Variants in TAF7L observed in about 807,000 individuals in gnomAD.
The protein encoded by TAF7L is transcription initiation factor TFIID subunit 7-like.
TAF7L carries 6 observed loss-of-function variants against 30.2 expected under a neutral mutation model. That is an observed-to-expected ratio of 0.20 (90% CI 0.11 to 0.39). The LOEUF is 0.39. Among genes scored for constraint, TAF7L ranks in the 10% least tolerant of loss-of-function variants. The pLI, the probability that TAF7L is intolerant of heterozygous loss-of-function variation, is 1.00. For synonymous variants in TAF7L, 93 were observed against 94.5 expected (o/e 0.98, Z 0.09); for missense variants, 284 against 277.1 (o/e 1.03, Z -0.18).
At chrX:101,273,168 TACTA>T (rs766467342) in intron 12 of TAF7L, among the ~76,000 whole-genome samples, 11 of 111,980 alleles carry the variant, frequency 9.8e-5, no homozygotes, top group South Asian at 3.6e-4. Flanking sequence ...TCTCCATTGC[TACTA>T]ACTTAGTCCA....
At position 101,281,805 on chromosome X, in the gene TAF7L, A is replaced by G. The variant is rs374181515; in HGVS notation, c.407-30T>C. 7 of 1,154,072 alleles carry G rather than the reference A, an allele frequency of 6.1e-6. No homozygotes were observed. In the East Asian group the frequency reaches 1.2e-4, roughly 20 times the overall value. On this transcript the variant is annotated intron_variant, in intron 5 of 12. Coordinates refer to ENST00000356784, the MANE Select transcript of TAF7L (RefSeq NM_001168474.2). The stretch of plus-strand genomic sequence containing the variant: ...AATAAATACAACACAGTGAAACGTT[A>G]TATGACTGATGGTAGTCACATAGCT...
Position 101,291,304 on chromosome X carries a change from G to A in TAF7L, c.-83C>T. 1.3e-6 allele frequency: 1 copy of A among 754,265 alleles called. No homozygotes were observed. The highest frequency in any genetic ancestry group is 1.6e-6 in the Non-Finnish European group (1 of 639,074). The allele number at this position is 754,265 out of a possible 1,213,427, so 62.2% of individuals were successfully genotyped here. ...TCTGTGGGTTCCGGACGAACCGCGC[G>A]TGGGCTCCCGCGCGGAACGTAGAGG... On this transcript the variant is annotated 5_prime_UTR_variant, in exon 1 of 13. In the 5' UTR this introduces an upstream ATG that the reference lacks. Transcript: ENST00000356784.
At chrX:101,285,650 C>T (rs190079592) in intron 3 of TAF7L, among the ~76,000 whole-genome samples, 212 of 105,993 alleles carry the variant, frequency 2.0e-3, no homozygotes, top group Non-Finnish European at 3.0e-3. Flanking sequence ...GGTGATATCT[C>T]GCTGTTGTTT....
intron 10 of TAF7L, 67 bp downstream of exon 10, chrX:101,276,240 A>G: frequency 8.3e-7 from 1 of 1,200,780 alleles, no homozygotes; most frequent in Non-Finnish European, 1.1e-6. Context: ...AGTCTAATGT[A>G]TGCTTAGAGT....
intron 11 of TAF7L, 43 bp from the exon 12 acceptor site, chrX:101,275,324 G>GAA (rs199961591): frequency 1.1e-3 from 768 of 674,756 alleles, no homozygotes; most frequent in South Asian, 2.4e-3. Context: ...GAGTCTCAAA[G>GAA]AAAAAAAAAA....
chrX:101,277,497 T>C (rs1364739472), intron 9 of TAF7L, 109 bp downstream of exon 9: 3 of 413,585 alleles, frequency 7.3e-6, no homozygotes, highest in Non-Finnish European at 1.2e-5. Flanking sequence ...CATCCTTTTT[T>C]TCTGGGTTTT....
intron 1 of TAF7L, among the ~76,000 whole-genome samples, chrX:101,289,741 C>G (rs975039898): frequency 9.1e-6 from 1 of 110,308 alleles, no homozygotes; most frequent in Admixed American, 9.6e-5. Flanking sequence ...TGCCACCACA[C>G]CCGGCTAAAT....
intron 12 of TAF7L, among the ~76,000 whole-genome samples, chrX:101,270,861 A>G (rs1923943199): frequency 9.0e-6 from 1 of 111,205 alleles, no homozygotes; most frequent in African/African-American, 3.3e-5. Flanking sequence ...AAGGTTCATT[A>G]TGACCTACAC....
rs746568517 is a variant in TAF7L at position 101,268,447 on chromosome X, C to A, written c.*746G>T. 1.2e-4 allele frequency: 13 copies of A among 111,782 alleles called. No homozygotes were observed. The highest frequency in any genetic ancestry group is 2.1e-4 in the Non-Finnish European group (11 of 53,245). The allele number at this position is 111,782 out of a possible 1,213,427, so 9.2% of individuals were successfully genotyped here. On this transcript the variant is annotated 3_prime_UTR_variant, in exon 13 of 13. Coordinates refer to ENST00000356784, the MANE Select transcript of TAF7L (RefSeq NM_001168474.2). ...GAATAAGGATAACAGTTCATAATTT[C>A]TTCATCTCTGCTCTAACTGTTCCCT...
At chrX:101,276,588 C>G in intron 9 of TAF7L, 60 bp from the exon 10 acceptor site, 1 of 1,115,766 alleles carries the variant, frequency 9.0e-7, no homozygotes. Context: ...GACTCATACT[C>G]CAGATATAAT....
intron 5 of TAF7L, 34 bp from the exon 6 acceptor site, chrX:101,281,809 G>T: frequency 7.9e-6 from 9 of 1,143,643 alleles, no homozygotes; most frequent in Non-Finnish European, 1.1e-5. Flanking sequence ...AACGTTATAT[G>T]ACTGATGGTA....
chrX:101,272,768 TGGGTGACTTGTCG>T (rs1161524391), intron 12 of TAF7L, among the ~76,000 whole-genome samples: 1 of 111,361 alleles, frequency 9.0e-6, no homozygotes, highest in African/African-American at 3.3e-5. Flanking sequence ...ATAGTTTAAA[TGGGTGACTTGTCG>T]GGGGTGGGGA....
intron 9 of TAF7L, among the ~76,000 whole-genome samples, chrX:101,277,355 G>A (rs1360430066): frequency 1.0e-5 from 1 of 99,299 alleles, no homozygotes; most frequent in African/African-American, 3.8e-5. Flanking sequence ...GGGAGGCCGA[G>A]GCAGGAGAAT....
chrX:101,276,155 A>C, intron 10 of TAF7L, 43 bp from the exon 11 acceptor site: 2 of 1,155,359 alleles, frequency 1.7e-6, no homozygotes, highest in Non-Finnish European at 2.3e-6. Context: ...ATATAGCCTA[A>C]ATGAATGGAC....
At position 101,291,323 on chromosome X, in the gene TAF7L, G is replaced by A. The variant is rs770270923; in HGVS notation, c.-102C>T. 5.3e-6 allele frequency: 4 copies of A among 751,628 alleles called. No individual in the cohort carries two copies. Among genetic ancestry groups the A allele is most frequent in the South Asian group, 1.4e-4 (2 of 14,717 alleles). 61.9% of individuals were successfully genotyped at this position (751,628 alleles called of 1,213,427 possible). On this transcript the variant is annotated 5_prime_UTR_variant, in exon 1 of 13. The change creates a new upstream start codon in the 5' untranslated region. Transcript: ENST00000356784. ...CCGCGCGTGGGCTCCCGCGCGGAACGTAGAGGCGAACGCTGGGCTGCCGGC... is the reference window on the plus strand; with the variant it reads ...CCGCGCGTGGGCTCCCGCGCGGAACATAGAGGCGAACGCTGGGCTGCCGGC...
chrX:101,280,628 C>A (rs746160676), intron 6 of TAF7L, among the ~76,000 whole-genome samples: 1 of 111,850 alleles, frequency 8.9e-6, no homozygotes, highest in African/African-American at 3.2e-5. Context: ...TACTCCTGGA[C>A]ATTTATTCCA....
At chrX:101,292,311 C>T (rs958270571), upstream of TAF7L, among the ~76,000 whole-genome samples, 3 of 103,617 alleles carry the variant, frequency 2.9e-5, no homozygotes, top group African/African-American at 7.0e-5. Context: ...TGATGGCAGG[C>T]GCCTGTAATC....
chrX:101,272,878 G>A (rs981668882), intron 12 of TAF7L, among the ~76,000 whole-genome samples: 3 of 110,702 alleles, frequency 2.7e-5, no homozygotes. Context: ...TGCCTCCCAG[G>A]CTCAAGCAAT....
Position 101,276,470 on chromosome X carries a change from CTCATCA to C in TAF7L, c.744_749del (p.Asp248_Asp249del), listed in dbSNP as rs745905857. ...CATCCTCATCTTCATCATCCTCATCCTCATCATCATCATTGTTACTTCTAGAATCAC... is the reference window on the plus strand; with the variant it reads ...CATCCTCATCTTCATCATCCTCATCCTCATCATTGTTACTTCTAGAATCAC... On this transcript the variant is annotated inframe_deletion, in exon 10 of 13. Coordinates refer to ENST00000356784, the MANE Select transcript of TAF7L (RefSeq NM_001168474.2). 1.0e-5 allele frequency: 12 copies of C among 1,204,829 alleles called. No homozygotes were observed. The highest frequency in any genetic ancestry group is 5.3e-5 in the African/African-American group (3 of 56,716).
Sources: gnomAD v4.1 joint callset for allele counts (sites outside exome capture counted in the v4.1 genomes callset) on GRCh38, gnomAD v4.1.1 for gene constraint, MANE v1.5 for transcripts, NCBI Gene and HGNC (gene_info 2026-07-23, HGNC 2026-07-21) for gene names.